The following SPATA1 variants were observed in gnomAD, a reference collection of about 807,000 sequenced individuals.
SPATA1 encodes spermatogenesis associated 1.
SPATA1 carries 57 observed loss-of-function variants against 59.6 expected under a neutral mutation model. The ratio of observed to expected loss-of-function variants is 0.96; its 90% CI spans 0.77 to 1.19. SPATA1 has a LOEUF of 1.19. SPATA1 is among the 50% of genes most tolerant of loss of function. The pLI is 0.00. For missense variants in SPATA1, 448 were observed against 480.7 expected (o/e 0.93, Z 0.64); for synonymous variants, 147 against 163.9 (o/e 0.90, Z 0.79).
chr1:84,515,802 TATATG>T (rs1682771756), intron 1 of SPATA1, among the ~76,000 whole-genome samples: 1 of 152,146 alleles, frequency 6.6e-6, no homozygotes, highest in South Asian at 2.1e-4. Flanking sequence ...GGAAGAAATG[TATATG>T]ATATAACAGT....
At chr1:84,546,102 G>T (rs1328334546) in intron 10 of SPATA1, among the ~76,000 whole-genome samples, 1 of 152,136 alleles carries the variant, frequency 6.6e-6, no homozygotes, top group Non-Finnish European at 1.5e-5. Context: ...ACACAATCTT[G>T]TCCCTGCCCA....
At chr1:84,510,014 C>T (rs1026978144) in intron 1 of SPATA1, among the ~76,000 whole-genome samples, 1 of 152,016 alleles carries the variant, frequency 6.6e-6, no homozygotes, top group Non-Finnish European at 1.5e-5. Context: ...ATGGCAAAGT[C>T]AAAACCCCAT....
intron 2 of SPATA1, among the ~76,000 whole-genome samples, chr1:84,518,022 A>G (rs932575447): frequency 2.6e-5 from 4 of 152,246 alleles, no homozygotes; most frequent in East Asian, 1.9e-4. Flanking sequence ...CTTGAAGGCT[A>G]TATAGTTAAC....
chr1:84,535,132 A>G (rs1322008443), intron 8 of SPATA1, among the ~76,000 whole-genome samples: 2 of 152,144 alleles, frequency 1.3e-5, no homozygotes, highest in Admixed American at 1.3e-4. Context: ...CTATTGCATT[A>G]TTCAAAACTC....
intron 1 of SPATA1, among the ~76,000 whole-genome samples, chr1:84,514,016 T>C (rs1421716827): frequency 6.6e-6 from 1 of 152,008 alleles, no homozygotes; most frequent in Non-Finnish European, 1.5e-5. Context: ...TCATTTTTTT[T>C]GTATTTTTAA....
At chr1:84,509,649 G>A (rs892751708) in intron 1 of SPATA1, among the ~76,000 whole-genome samples, 6 of 152,126 alleles carry the variant, frequency 3.9e-5, no homozygotes, top group Non-Finnish European at 7.4e-5. Flanking sequence ...GCCTGTAGTC[G>A]CAGCTACTTG....
intron 11 of SPATA1, among the ~76,000 whole-genome samples, chr1:84,549,271 C>A (rs1227283439): frequency 6.6e-6 from 1 of 152,070 alleles, no homozygotes; most frequent in Non-Finnish European, 1.5e-5. Context: ...TATCCCCAAA[C>A]AGGGAGAAAC....
downstream of SPATA1, among the ~76,000 whole-genome samples, chr1:84,559,328 TAAC>T (rs1684539880): frequency 6.6e-6 from 1 of 152,190 alleles, no homozygotes; most frequent in Non-Finnish European, 1.5e-5. Flanking sequence ...TAAGACTTAA[TAAC>T]AATATTTGGC....
At chr1:84,518,981 A>G (rs1682906170) in intron 2 of SPATA1, among the ~76,000 whole-genome samples, 1 of 152,068 alleles carries the variant, frequency 6.6e-6, no homozygotes, top group Non-Finnish European at 1.5e-5. Context: ...TAAAAATTGT[A>G]CTTCTTAGAA....
chr1:84,511,348 G>C (rs2101910041), intron 1 of SPATA1, among the ~76,000 whole-genome samples: 1 of 152,210 alleles, frequency 6.6e-6, no homozygotes, highest in African/African-American at 2.4e-5. Context: ...CATAGATTCT[G>C]ATTCTATATC....
At chr1:84,537,483 T>A (rs1465318038) in intron 8 of SPATA1, among the ~76,000 whole-genome samples, 1 of 152,120 alleles carries the variant, frequency 6.6e-6, no homozygotes, top group Non-Finnish European at 1.5e-5. Context: ...AAGATTCACA[T>A]CCCCTTATTA....
At chr1:84,534,066 T>C (rs142506456) in intron 8 of SPATA1, among the ~76,000 whole-genome samples, 10 of 152,210 alleles carry the variant, frequency 6.6e-5, no homozygotes, top group Non-Finnish European at 1.3e-4. Context: ...TAATTTGTAA[T>C]TTAATATACT....
intron 8 of SPATA1, among the ~76,000 whole-genome samples, chr1:84,540,274 G>A (rs1315758826): frequency 6.6e-6 from 1 of 151,776 alleles, no homozygotes; most frequent in Admixed American, 6.6e-5. Context: ...TATTTACTGT[G>A]TGTCTTCTAC....
chr1:84,526,515 A>T (rs1683231283), intron 6 of SPATA1, among the ~76,000 whole-genome samples: 1 of 152,186 alleles, frequency 6.6e-6, no homozygotes, highest in South Asian at 2.1e-4. Context: ...AGAGAATTTT[A>T]AATTTTTTAT....
chr1:84,529,082 CATT>C (rs139073262), intron 6 of SPATA1, among the ~76,000 whole-genome samples: 9,216 of 151,992 alleles, frequency 0.061, 435 homozygotes, highest in African/African-American at 0.13. Context: ...CTAGTACTGA[CATT>C]AATATTTTTT....
At chr1:84,543,798 C>G (rs1222763512) in intron 8 of SPATA1, among the ~76,000 whole-genome samples, 1 of 152,038 alleles carries the variant, frequency 6.6e-6, no homozygotes, top group African/African-American at 2.4e-5. Flanking sequence ...GTAAAATTAT[C>G]TGCTAAAATT....
chr1:84,537,325 C>G (rs1293568660), intron 8 of SPATA1, among the ~76,000 whole-genome samples: 2 of 152,104 alleles, frequency 1.3e-5, no homozygotes, highest in African/African-American at 4.8e-5. Flanking sequence ...GTCCCTAAGA[C>G]TAATCATGAT....
At chr1:84,512,790 C>G (rs1682629903) in intron 1 of SPATA1, among the ~76,000 whole-genome samples, 1 of 152,164 alleles carries the variant, frequency 6.6e-6, no homozygotes, top group Non-Finnish European at 1.5e-5. Context: ...GCCTTGGGAT[C>G]CTACTTAGTA....
downstream of SPATA1, chr1:84,555,130 T>C (rs776668169): frequency 3.1e-6 from 5 of 1,614,048 alleles, no homozygotes; most frequent in Non-Finnish European, 4.2e-6. Context: ...TAGTTTTGTA[T>C]ATATGTTGCC....
Sources: allele counts gnomAD v4.1 joint callset (sites outside exome capture counted in the v4.1 genomes callset), GRCh38; gene constraint gnomAD v4.1.1; transcripts MANE v1.5; gene names NCBI Gene and HGNC (gene_info 2026-07-23, HGNC 2026-07-21).